The following GPT2 variants were observed in gnomAD, a reference collection of about 807,000 sequenced individuals.
The protein encoded by GPT2 is glutamic--pyruvic transaminase 2, also known as alanine aminotransferase 2.
In GPT2, 30 loss-of-function variants were observed where a neutral mutation model predicts 56.9. That is an observed-to-expected ratio of 0.53 (90% CI 0.39 to 0.72). The LOEUF is 0.72. Ranked by LOEUF, GPT2 falls within the 30% of genes least tolerant of loss-of-function variation. The probability of loss-of-function intolerance (pLI) is 0.00; values close to 1 mark genes in which losing one functional copy is unlikely to be tolerated. For missense variants in GPT2, 542 were observed against 703.4 expected (o/e 0.77, Z 2.60); for synonymous variants, 271 against 283.1 (o/e 0.96, Z 0.43).
intron 6 of GPT2, chr16:46,915,747 CAG>C (rs1168819575): frequency 6.7e-6 from 1 of 148,936 alleles, no homozygotes; most frequent in East Asian, 2.1e-4. Context: ...ACACACACTA[CAG>C]ACTCACACAC....
Position 46,918,691 on chromosome 16 carries a change from G to C in GPT2, c.971G>C (p.Gly324Ala), listed in dbSNP as rs201383826. 6.2e-7 allele frequency: 1 copy of C among 1,614,178 alleles called. No homozygotes were observed. The highest frequency in any genetic ancestry group is 1.7e-5 in the Admixed American group (1 of 60,026). Residue 324 changes from glycine to alanine, a missense_variant, in exon 8 of 12, where the codon GGG becomes GCG. Transcript: ENST00000340124. ...TTCAAGAAGGTGCTGTACGAGATGG[G>C]GCCCGAGTACTCCAGCAACGTGGAG... ...HSFKKVLYEM[G>A]PEYSSNVELA...
At chr16:46,918,800 G>C in intron 8 of GPT2, 43 bp downstream of exon 8, 1 of 1,607,664 alleles carries the variant, frequency 6.2e-7, no homozygotes, top group Middle Eastern at 1.7e-4. Flanking sequence ...GGGCCTGCCA[G>C]ATCCTCACGC....
At position 46,930,036 on chromosome 16, in the gene GPT2, G is replaced by C. The variant is rs975036270; in HGVS notation, c.*1039G>C. 1 of 153,160 alleles carries C rather than the reference G, an allele frequency of 6.5e-6. No homozygotes were observed. The highest frequency in any genetic ancestry group is 2.4e-5 in the African/African-American group (1 of 41,482). The allele number at this position is 153,160 out of a possible 1,614,324, so 9.5% of individuals were successfully genotyped here. On this transcript the variant is annotated 3_prime_UTR_variant, in exon 12 of 12. Coordinates refer to ENST00000340124, the MANE Select transcript of GPT2 (RefSeq NM_133443.4). ...TGGTCGGTTTCCTAGCTTTTAGGTG[G>C]TAAAAGTGCCTGGCAGCTTGGCTGC...
intron 2 of GPT2, among the ~76,000 whole-genome samples, chr16:46,886,580 G>A (rs559441702): frequency 1.1e-4 from 17 of 152,328 alleles, no homozygotes; most frequent in African/African-American, 4.1e-4. Context: ...GAGCAGTGCT[G>A]TGAGCAACCG....
chr16:46,910,396 A>AAC (rs1413524034), intron 6 of GPT2, among the ~76,000 whole-genome samples: 1 of 149,600 alleles, frequency 6.7e-6, no homozygotes. Flanking sequence ...AAAAAAAAAA[A>AAC]AAAAAAAAAA....
chr16:46,896,569 C>T (rs1473709009), intron 2 of GPT2, among the ~76,000 whole-genome samples: 3 of 152,150 alleles, frequency 2.0e-5, no homozygotes, highest in Admixed American at 2.0e-4. Context: ...GGAGGGTGTC[C>T]TCAGTGTCCC....
chr16:46,917,741 G>GACAC (rs578121413), intron 7 of GPT2, among the ~76,000 whole-genome samples: 1 of 151,456 alleles, frequency 6.6e-6, no homozygotes, highest in Non-Finnish European at 1.5e-5. Context: ...TGTACATACA[G>GACAC]ACACACACAG....
intron 8 of GPT2, among the ~76,000 whole-genome samples, chr16:46,920,026 G>A (rs1567342519): frequency 6.6e-6 from 1 of 152,184 alleles, no homozygotes; most frequent in Non-Finnish European, 1.5e-5. Flanking sequence ...GGATAATATA[G>A]CAAGACCCCT....
At chr16:46,889,000 A>T (rs1021033658) in intron 2 of GPT2, among the ~76,000 whole-genome samples, 3 of 152,064 alleles carry the variant, frequency 2.0e-5, no homozygotes, top group Admixed American at 6.6e-5. Flanking sequence ...TGTTAATTAT[A>T]GCTGTTCAGC....
intron 9 of GPT2, 108 bp downstream of exon 9, chr16:46,922,524 G>A (rs138964862): frequency 2.8e-6 from 3 of 1,088,906 alleles, no homozygotes; most frequent in African/African-American, 1.6e-5. Context: ...CCTCCTGAGG[G>A]TGTGGCCTGC....
chr16:46,924,572 C>A, intron 10 of GPT2, 28 bp downstream of exon 10: 2 of 1,610,428 alleles, frequency 1.2e-6, no homozygotes, highest in Middle Eastern at 1.7e-4. Context: ...GGCTGGCTCT[C>A]TCTTACCAGG....
intron 6 of GPT2, among the ~76,000 whole-genome samples, chr16:46,913,771 T>TACAC (rs200613263): frequency 6.6e-6 from 1 of 151,816 alleles, no homozygotes; most frequent in South Asian, 2.1e-4. Context: ...TATATATATG[T>TACAC]ACACACACAC....
At chr16:46,899,974 G>T (rs1960785241) in intron 3 of GPT2, among the ~76,000 whole-genome samples, 1 of 152,212 alleles carries the variant, frequency 6.6e-6, no homozygotes, top group African/African-American at 2.4e-5. Context: ...AGTGCCCATT[G>T]TGCAGATGAA....
chr16:46,900,337 G>GC (rs1425268454), intron 3 of GPT2, among the ~76,000 whole-genome samples: 2 of 152,120 alleles, frequency 1.3e-5, no homozygotes, highest in South Asian at 2.1e-4. Flanking sequence ...GGCATCGCCT[G>GC]CCCCCTGCTC....
intron 6 of GPT2, 100 bp downstream of exon 6, chr16:46,910,027 C>A: frequency 7.1e-7 from 1 of 1,407,394 alleles, no homozygotes; most frequent in Non-Finnish European, 9.5e-7. Context: ...GTCTCTCTGC[C>A]CCTAGTTTCC....
At chr16:46,890,593 C>T (rs1213222079) in intron 2 of GPT2, among the ~76,000 whole-genome samples, 2 of 152,188 alleles carry the variant, frequency 1.3e-5, no homozygotes, top group East Asian at 3.8e-4. Context: ...AGGAAACAGC[C>T]TTGTGCCTGT....
intron 2 of GPT2, among the ~76,000 whole-genome samples, chr16:46,887,073 G>A (rs930004776): frequency 3.9e-5 from 6 of 152,088 alleles, no homozygotes; most frequent in African/African-American, 7.2e-5. Context: ...CCCTTCTTGC[G>A]AGAGCCACAT....
At chr16:46,924,634 T>C (rs1961366113) in intron 10 of GPT2, 90 bp downstream of exon 10, 1 of 1,396,612 alleles carries the variant, frequency 7.2e-7, no homozygotes, top group Non-Finnish European at 1.0e-6. Context: ...GGAGCAGAAG[T>C]GCTGGCCCTG....
Position 46,929,071 on chromosome 16 carries a change from C to A in GPT2, c.*74C>A, listed in dbSNP as rs1961477789. The A allele has an allele frequency of 2.5e-6, 3 of 1,196,148 alleles. No homozygotes were observed. In the Admixed American group the frequency reaches 5.2e-5, roughly 21 times the overall value. 74.1% of individuals were successfully genotyped at this position (1,196,148 alleles called of 1,614,324 possible). A position where few individuals can be genotyped will look rare whatever the true frequency, so the allele number is the denominator to read the frequency against. On this transcript the variant is annotated 3_prime_UTR_variant, in exon 12 of 12. Coordinates refer to ENST00000340124, the MANE Select transcript of GPT2 (RefSeq NM_133443.4). Reference sequence around the variant, plus strand: ...TGCCCGTCAGGCTGAACTCGCCTCCCCCGTGACTCTGCCTCGGGCCTCGCA... The same window carrying A: ...TGCCCGTCAGGCTGAACTCGCCTCCACCGTGACTCTGCCTCGGGCCTCGCA...
Sources: gnomAD v4.1 joint callset for allele counts (sites outside exome capture counted in the v4.1 genomes callset) on GRCh38, gnomAD v4.1.1 for gene constraint, MANE v1.5 for transcripts, NCBI Gene and HGNC (gene_info 2026-07-23, HGNC 2026-07-21) for gene names.